The following CADM2 variants were observed in gnomAD, a reference collection of about 807,000 sequenced individuals.
CADM2 encodes the protein immunoglobulin superfamily member 4D.
A neutral mutation model predicts 49.8 loss-of-function variants in CADM2; 12 were observed. The ratio of observed to expected loss-of-function variants is 0.24; its 90% CI spans 0.15 to 0.39. The LOEUF is 0.39. Among genes scored for constraint, CADM2 ranks in the 10% least tolerant of loss-of-function variants. The pLI is 1.00. For synonymous variants in CADM2, 214 were observed against 175.4 expected (o/e 1.22, Z -1.74); for missense variants, 378 against 492.3 (o/e 0.77, Z 2.20).
intron 1 of CADM2, among the ~76,000 whole-genome samples, chr3:85,343,358 A>C (rs1247140398): frequency 6.6e-6 from 1 of 152,198 alleles, no homozygotes. Context: ...TAGAGGTGGA[A>C]TAGAAACCCA....
At chr3:85,670,978 G>A (rs2065718391) in intron 1 of CADM2, among the ~76,000 whole-genome samples, 2 of 152,136 alleles carry the variant, frequency 1.3e-5, no homozygotes, top group South Asian at 2.1e-4. Flanking sequence ...AAGTCAAAGT[G>A]TGATTAGTTT....
At chr3:85,964,361 C>A (rs964339612) in intron 8 of CADM2, among the ~76,000 whole-genome samples, 1 of 151,442 alleles carries the variant, frequency 6.6e-6, no homozygotes, top group Non-Finnish European at 1.5e-5. Context: ...TGCTTAGATT[C>A]TATTGATTCT....
chr3:85,799,548 G>C (rs553696447), intron 2 of CADM2, among the ~76,000 whole-genome samples: 16 of 152,258 alleles, frequency 1.1e-4, no homozygotes, highest in East Asian at 3.9e-4. Flanking sequence ...TTTGTCATTG[G>C]TTCTGTTTAT....
rs534424529 is a variant in CADM2 at position 85,925,710 on chromosome 3, C to T, written c.701-10057C>T. ...CCTAACTCAGAGTATTAAGCGTTCA[C>T]TTCCTTTCAGGAGTAAGCAATGATG... On this transcript the variant is annotated intron_variant, in intron 6 of 9. Transcript: ENST00000383699. 2.6e-5 allele frequency among the ~76,000 whole-genome samples: 4 copies of T among 152,314 alleles called. No homozygotes were observed. The East Asian group carries it at 7.7e-4, about 29-fold the overall frequency.
chr3:85,125,719 G>A (rs2039012249), intron 1 of CADM2, among the ~76,000 whole-genome samples: 1 of 152,124 alleles, frequency 6.6e-6, no homozygotes, highest in South Asian at 2.1e-4. Flanking sequence ...TGGTTTTGTG[G>A]CAGGTCTACT....
At chr3:85,495,725 G>A (rs995047186) in intron 1 of CADM2, among the ~76,000 whole-genome samples, 9 of 151,880 alleles carry the variant, frequency 5.9e-5, no homozygotes, top group African/African-American at 2.2e-4. Context: ...AAGAATAGTG[G>A]GAGCATGCAT....
chr3:85,896,986 G>T (rs1472867564), intron 5 of CADM2, among the ~76,000 whole-genome samples: 2 of 152,028 alleles, frequency 1.3e-5, no homozygotes, highest in African/African-American at 2.4e-5. Flanking sequence ...TATTTCTCAT[G>T]TATCTGTAAT....
At chr3:85,165,994 A>AT (rs925397187) in intron 1 of CADM2, among the ~76,000 whole-genome samples, 11 of 151,412 alleles carry the variant, frequency 7.3e-5, no homozygotes, top group African/African-American at 2.2e-4. Context: ...CCACTTTATA[A>AT]TTTTTTTTCC....
chr3:85,528,326 G>A (rs367779342), intron 1 of CADM2, among the ~76,000 whole-genome samples: 45 of 134,280 alleles, frequency 3.4e-4, no homozygotes, highest in African/African-American at 9.3e-4. Context: ...GCATACTCAC[G>A]CACACTCACA....
intron 1 of CADM2, among the ~76,000 whole-genome samples, chr3:85,324,104 G>A (rs898950772): frequency 6.6e-6 from 1 of 152,102 alleles, no homozygotes; most frequent in Non-Finnish European, 1.5e-5. Flanking sequence ...TTTATATGCT[G>A]CATCCATTAT....
intron 3 of CADM2, among the ~76,000 whole-genome samples, chr3:85,856,775 A>C (rs2108309102): frequency 6.6e-6 from 1 of 152,346 alleles, no homozygotes; most frequent in African/African-American, 2.4e-5. Context: ...CTATATAAGT[A>C]TAGTAAAAAC....
Position 85,897,291 on chromosome 3 carries a change from C to T in CADM2, c.529+10964C>T, listed in dbSNP as rs12631229. 0.012 allele frequency among the ~76,000 whole-genome samples: 1,080 copies of T among 93,592 alleles called. 43 individuals are homozygous for T. In the South Asian group the frequency reaches 0.14, roughly 12 times the overall value. The allele number at this position is 93,592 out of a possible 152,430, so 61.4% of individuals were successfully genotyped here. A position where few individuals can be genotyped will look rare whatever the true frequency, so the allele number is the denominator to read the frequency against. ...TTTTTTTTTTTTTTTGAGACGGAGTCTCGCTCTGTCGCCCAGGCCGGACTG... is the reference window on the plus strand; with the variant it reads ...TTTTTTTTTTTTTTTGAGACGGAGTTTCGCTCTGTCGCCCAGGCCGGACTG... On this transcript the variant is annotated intron_variant, in intron 5 of 9. Transcript: ENST00000383699.
chr3:85,961,617 A>T lies in CADM2; in HGVS notation c.940A>T (p.Ser314Cys). The change falls in exon 8 of 10, where the codon AGC becomes TGC. Residue 314 changes from serine (S) to cysteine (C), a missense_variant. By Grantham distance (112) the Ser-to-Cys change is moderately radical (BLOSUM62 -1). Transcript: ENST00000383699. ...TGAAGCCACAAACACCATTGGCCAA[A>T]GCAGTGCGGAATATGTTCTCATTGT... ...RCEATNTIGQ[S>C]SAEYVLIVHD... 6.3e-7 allele frequency: 1 copy of T among 1,596,434 alleles called. No individual in the cohort carries two copies. Among genetic ancestry groups the T allele is most frequent in the Non-Finnish European group, 8.6e-7 (1 of 1,168,020 alleles).
chr3:85,969,098 A>C (rs1330703966), intron 8 of CADM2, among the ~76,000 whole-genome samples: 1 of 151,140 alleles, frequency 6.6e-6, no homozygotes, highest in African/African-American at 2.4e-5. Flanking sequence ...CTTGTTCCAC[A>C]CTCCCACACC....
chr3:85,088,437 T>G (rs1181217249), intron 1 of CADM2, among the ~76,000 whole-genome samples: 2 of 152,130 alleles, frequency 1.3e-5, no homozygotes. Context: ...TATGCAACTC[T>G]TTTAAAACCC....
chr3:85,522,769 G>T (rs2061055875), intron 1 of CADM2, among the ~76,000 whole-genome samples: 1 of 151,896 alleles, frequency 6.6e-6, no homozygotes. Context: ...AAAGTATCAA[G>T]AAATACAAAT....
intron 1 of CADM2, among the ~76,000 whole-genome samples, chr3:85,155,458 T>C (rs976439471): frequency 3.3e-5 from 5 of 152,070 alleles, no homozygotes; most frequent in Non-Finnish European, 7.4e-5. Flanking sequence ...GAGTGACCTA[T>C]AAAGAAACTT....
At chr3:85,199,845 G>C (rs1223799204) in intron 1 of CADM2, among the ~76,000 whole-genome samples, 2 of 152,004 alleles carry the variant, frequency 1.3e-5, no homozygotes, top group Non-Finnish European at 2.9e-5. Context: ...TTTGGAGAAA[G>C]ATGTAACTGA....
intron 8 of CADM2, chr3:86,012,701 C>T: frequency 2.6e-6 from 3 of 1,147,346 alleles, no homozygotes; most frequent in African/African-American, 3.1e-5. Context: ...AGATAAAACA[C>T]CTGATCGGCT....
Sources: gnomAD v4.1 joint callset for allele counts (sites outside exome capture counted in the v4.1 genomes callset) on GRCh38, gnomAD v4.1.1 for gene constraint, MANE v1.5 for transcripts, NCBI Gene and HGNC (gene_info 2026-07-23, HGNC 2026-07-21) for gene names.